The following RTN4 variants were observed in gnomAD, a reference collection of about 807,000 sequenced individuals.
The protein encoded by RTN4 is reticulon 4, also known as reticulon-4.
In RTN4, 32 loss-of-function variants were observed where a neutral mutation model predicts 90.4. The ratio of observed to expected loss-of-function variants is 0.35; its 90% CI spans 0.27 to 0.48. The LOEUF is 0.48. Among genes scored for constraint, RTN4 ranks in the 20% least tolerant of loss-of-function variants. The pLI, the probability that RTN4 is intolerant of heterozygous loss-of-function variation, is 0.99. For missense variants in RTN4, 1,706 were observed against 1,430.2 expected (o/e 1.19, Z -3.11); for synonymous variants, 629 against 552.5 (o/e 1.14, Z -1.94).
chr2:54,999,800 T>G (rs948389818), intron 3 of RTN4, among the ~76,000 whole-genome samples: 1 of 152,156 alleles, frequency 6.6e-6, no homozygotes, highest in Admixed American at 6.5e-5. Flanking sequence ...TACGTAATAG[T>G]AAGCTTTTGT....
At chr2:55,114,184 C>T (rs1053847168), upstream of RTN4, among the ~76,000 whole-genome samples, 1 of 152,188 alleles carries the variant, frequency 6.6e-6, no homozygotes, top group African/African-American at 2.4e-5. Context: ...GACAGGCACA[C>T]TTAGAATATT....
At chr2:55,052,271 C>A (rs778009116), upstream of RTN4, among the ~76,000 whole-genome samples, 5 of 152,036 alleles carry the variant, frequency 3.3e-5, no homozygotes, top group Admixed American at 6.6e-5. Flanking sequence ...CACCTCAATG[C>A]GTTATGTTAA....
intron 3 of RTN4, among the ~76,000 whole-genome samples, chr2:54,995,085 C>T (rs1679311273): frequency 6.6e-6 from 1 of 151,850 alleles, no homozygotes; most frequent in Non-Finnish European, 1.5e-5. Flanking sequence ...ACTAAAAATA[C>T]AAAAATTAGC....
intron 2 of RTN4, among the ~76,000 whole-genome samples, chr2:55,073,496 T>A (rs751649222): frequency 6.6e-6 from 1 of 152,318 alleles, no homozygotes; most frequent in African/African-American, 2.4e-5. Context: ...TGGCAGCAAG[T>A]TGGTATACTT....
intron 1 of RTN4, among the ~76,000 whole-genome samples, chr2:55,084,619 G>A (rs561369916): frequency 3.2e-4 from 49 of 152,294 alleles, no homozygotes; most frequent in African/African-American, 1.2e-3. Flanking sequence ...GGCATCTGAT[G>A]TTTGGGGCAG....
At chr2:55,013,521 G>A (rs1680794496) in intron 3 of RTN4, among the ~76,000 whole-genome samples, 1 of 144,156 alleles carries the variant, frequency 6.9e-6, no homozygotes, top group Non-Finnish European at 1.5e-5. Flanking sequence ...TGTTAAGTAG[G>A]AAATACGCAT....
At chr2:55,074,775 T>C (rs997163023) in intron 2 of RTN4, among the ~76,000 whole-genome samples, 1 of 152,172 alleles carries the variant, frequency 6.6e-6, no homozygotes. Flanking sequence ...TGGTTTAACA[T>C]CTGTAAGTCA....
Position 54,979,425 on chromosome 2 carries a change from T to C in RTN4, c.3360+3090A>G, listed in dbSNP as rs548595565. Among the ~76,000 whole-genome samples, 8 of 152,310 alleles carry C rather than the reference T, an allele frequency of 5.3e-5. No homozygotes were observed. The East Asian group carries it at 9.6e-4, about 18-fold the overall frequency. ...AAACTGTGGTGGATAAGTGTGGCCA[T>C]ACACAGAAGTCTCTCTAGAAAGGTA... On this transcript the variant is annotated intron_variant, in intron 5 of 8. Transcript: ENST00000337526.
At chr2:55,060,234 C>T (rs182175349) in intron 2 of RTN4, among the ~76,000 whole-genome samples, 1 of 152,318 alleles carries the variant, frequency 6.6e-6, no homozygotes, top group Non-Finnish European at 1.5e-5. Context: ...ATGCCCTGGA[C>T]TTTAAAAGGA....
intron 2 of RTN4, among the ~76,000 whole-genome samples, chr2:55,079,003 C>T (rs1298116629): frequency 1.3e-5 from 2 of 152,136 alleles, no homozygotes; most frequent in Non-Finnish European, 2.9e-5. Flanking sequence ...TCTTAAGAGG[C>T]CATGTATTAG....
intron 2 of RTN4, among the ~76,000 whole-genome samples, chr2:55,070,793 T>C (rs1277344688): frequency 1.3e-5 from 2 of 151,900 alleles, no homozygotes; most frequent in Non-Finnish European, 2.9e-5. Flanking sequence ...TTTTCGTTTT[T>C]TTTGACAGAG....
chr2:55,094,713 G>A (rs1312671189), intron 1 of RTN4, among the ~76,000 whole-genome samples: 3 of 152,132 alleles, frequency 2.0e-5, no homozygotes, highest in Non-Finnish European at 4.4e-5. Context: ...ACAAGGAAGA[G>A]CTGACTAGGA....
chr2:55,012,195 C>T (rs1021055723), intron 3 of RTN4, among the ~76,000 whole-genome samples: 9 of 152,102 alleles, frequency 5.9e-5, no homozygotes, highest in Admixed American at 2.6e-4. Context: ...TTGTATCTTC[C>T]GTGGTACTTG....
chr2:54,977,177 G>A (rs1677703785), intron 5 of RTN4, among the ~76,000 whole-genome samples: 1 of 152,170 alleles, frequency 6.6e-6, no homozygotes, highest in Non-Finnish European at 1.5e-5. Flanking sequence ...AAACTTTCCT[G>A]CACTCTCAAA....
At position 54,992,159 on chromosome 2, in the gene RTN4, TAAAC is replaced by T. The variant is rs763068919; in HGVS notation, c.3014-4465_3014-4462del. 3.3e-5 allele frequency among the ~76,000 whole-genome samples: 5 copies of T among 152,152 alleles called. No individual in the cohort carries two copies. In the South Asian group the frequency reaches 6.2e-4, roughly 19 times the overall value. On this transcript the variant is annotated intron_variant, in intron 3 of 8. Coordinates refer to ENST00000337526, the MANE Select transcript of RTN4 (RefSeq NM_020532.5). ...GGAAACACAGAGACCCCTCATCTCT[TAAAC>T]AAACAAACAAACCTAATGAAAGGTA...
In RTN4 at chr2:55,028,065, T is replaced by C. The variant is rs1558826491; in HGVS notation, c.613+99A>G. 5.3e-5 allele frequency: 52 copies of C among 976,970 alleles called. 1 individual carries two copies. The South Asian group carries it at 9.5e-4, about 18-fold the overall frequency. 60.5% of individuals were successfully genotyped at this position (976,970 alleles called of 1,614,324 possible). A position where few individuals can be genotyped will look rare whatever the true frequency, so the allele number is the denominator to read the frequency against. The stretch of plus-strand genomic sequence containing the variant: ...AGACAAAACATTCTCGGAACCATGC[T>C]AATTTTTAGTAAACCCAAACTACTC... On this transcript the variant is annotated intron_variant, in intron 2 of 8. Coordinates refer to ENST00000337526, the MANE Select transcript of RTN4 (RefSeq NM_020532.5).
At chr2:55,071,210 G>T (rs962650444) in intron 2 of RTN4, among the ~76,000 whole-genome samples, 1 of 151,282 alleles carries the variant, frequency 6.6e-6, no homozygotes. Flanking sequence ...TCTTGCTTGT[G>T]ATCTACAAGA....
chr2:55,050,353 G>T lies in RTN4; in HGVS notation c.-53C>A. ...CTGCTGCCGCCGCCGCCGGGGCCGC[G>T]TCTCAGAGCCGCGGGCGGTTGTGGG... is the stretch of plus-strand genomic sequence containing the variant. On this transcript the variant is annotated 5_prime_UTR_variant, in exon 1 of 9. Coordinates refer to ENST00000337526, the MANE Select transcript of RTN4 (RefSeq NM_020532.5). This position sits in a 1 kb window ranked among gnomAD's most constrained non-coding sequence, Gnocchi z 4.6. The T allele has an allele frequency of 1.6e-6, 2 of 1,238,754 alleles. No individual in the cohort carries two copies. The highest frequency in any genetic ancestry group is 2.9e-5 in the East Asian group (1 of 35,064). The allele number at this position is 1,238,754 out of a possible 1,614,324, so 76.7% of individuals were successfully genotyped here.
chr2:55,077,517 G>A (rs1668624271), intron 2 of RTN4, among the ~76,000 whole-genome samples: 2 of 152,108 alleles, frequency 1.3e-5, no homozygotes, highest in Admixed American at 6.5e-5. Flanking sequence ...CATTGTTGGT[G>A]GGAATGAAAA....
Sources: allele counts gnomAD v4.1 joint callset (sites outside exome capture counted in the v4.1 genomes callset), GRCh38; gene constraint gnomAD v4.1.1; non-coding constraint Gnocchi (gnomAD v3.1); transcripts MANE v1.5; gene names NCBI Gene and HGNC (gene_info 2026-07-23, HGNC 2026-07-21).